The following SNCAIP variants were observed in gnomAD, a reference collection of about 807,000 sequenced individuals.
SNCAIP encodes the protein synuclein alpha interacting protein.
In SNCAIP, 43 loss-of-function variants were observed where a neutral mutation model predicts 86.7. The ratio of observed to expected loss-of-function variants is 0.50; its 90% confidence interval spans 0.39 to 0.64. The LOEUF (loss-of-function observed/expected upper bound fraction) is 0.64, where lower values mean the gene tolerates loss of function less well. Among genes scored for constraint, SNCAIP ranks in the 30% least tolerant of loss-of-function variants. SNCAIP has a pLI of 0.00. For synonymous variants in SNCAIP, 417 were observed against 427.2 expected (o/e 0.98, Z 0.29); for missense variants, 981 against 1,103.1 (o/e 0.89, Z 1.57).
chr5:122,364,966 A>G (rs1200303351), intron 1 of SNCAIP, among the ~76,000 whole-genome samples: 1 of 152,198 alleles, frequency 6.6e-6, no homozygotes, highest in Non-Finnish European at 1.5e-5. Flanking sequence ...CATAGAAAAG[A>G]ATAACTGTTA....
At chr5:122,373,059 C>T (rs924369169) in intron 1 of SNCAIP, among the ~76,000 whole-genome samples, 2 of 152,152 alleles carry the variant, frequency 1.3e-5, no homozygotes, top group African/African-American at 4.8e-5. Context: ...ACATCCCGTA[C>T]TTTAACTTTC....
intron 1 of SNCAIP, among the ~76,000 whole-genome samples, chr5:122,332,616 C>T (rs954207329): frequency 5.9e-5 from 9 of 152,190 alleles, no homozygotes; most frequent in African/African-American, 1.7e-4. Flanking sequence ...AGCTAAGCTG[C>T]GGGAGAAGTT....
intron 10 of SNCAIP, among the ~76,000 whole-genome samples, chr5:122,457,773 T>C (rs1785129838): frequency 6.6e-6 from 1 of 152,206 alleles, no homozygotes. Context: ...GGCTCTAAAC[T>C]TGAACTATTT....
intron 1 of SNCAIP, among the ~76,000 whole-genome samples, chr5:122,343,920 G>T (rs1308734969): frequency 6.6e-6 from 1 of 152,218 alleles, no homozygotes; most frequent in African/African-American, 2.4e-5. Flanking sequence ...TGATGGTCAA[G>T]TTGAAGTGGA....
chr5:122,341,524 C>T (rs771577999), intron 1 of SNCAIP, among the ~76,000 whole-genome samples: 3 of 152,170 alleles, frequency 2.0e-5, no homozygotes, highest in African/African-American at 4.8e-5. Flanking sequence ...AAGGCAAACC[C>T]GCTTAAAGAT....
chr5:122,415,080 A>T (rs534091579), intron 3 of SNCAIP, among the ~76,000 whole-genome samples: 2 of 152,198 alleles, frequency 1.3e-5, no homozygotes, highest in African/African-American at 4.8e-5. Context: ...TTCACTCTTT[A>T]TAGTATACTT....
At position 122,453,549 on chromosome 5, in the gene SNCAIP, G is replaced by A. The variant is rs550181906; in HGVS notation, c.2754+1948G>A. 3.9e-5 allele frequency among the ~76,000 whole-genome samples: 6 copies of A among 152,238 alleles called. No individual in the cohort carries two copies. In the South Asian group the frequency reaches 1.2e-3, roughly 32 times the overall value. ...ATGAGTGCCCTCTAATAAAACAAGG[G>A]CCTTTCTCAAATAAGACGTTTACAA... On this transcript the variant is annotated intron_variant, in intron 10 of 10. Transcript: ENST00000261368.
intron 1 of SNCAIP, among the ~76,000 whole-genome samples, chr5:122,327,646 A>G (rs1754383973): frequency 6.6e-6 from 1 of 152,166 alleles, no homozygotes; most frequent in Non-Finnish European, 1.5e-5. Flanking sequence ...TTCCACCATG[A>G]TTATAAGTTT....
At chr5:122,415,950 AGAT>A (rs1374390215) in intron 3 of SNCAIP, among the ~76,000 whole-genome samples, 5 of 152,238 alleles carry the variant, frequency 3.3e-5, no homozygotes, top group Non-Finnish European at 7.3e-5. Flanking sequence ...CATACTTTAT[AGAT>A]GACACAATAA....
At chr5:122,411,229 A>G (rs918740384) in intron 3 of SNCAIP, among the ~76,000 whole-genome samples, 1 of 152,178 alleles carries the variant, frequency 6.6e-6, no homozygotes, top group South Asian at 2.1e-4. Context: ...GAGGGAAAGA[A>G]CTGAAACATA....
At chr5:122,320,354 C>T (rs1752663056) in intron 1 of SNCAIP, among the ~76,000 whole-genome samples, 1 of 152,162 alleles carries the variant, frequency 6.6e-6, no homozygotes, top group African/African-American at 2.4e-5. Context: ...GACCCCTCTT[C>T]CACAGTATTT....
In SNCAIP at chr5:122,353,841, C is replaced by T. The variant is rs140814569; in HGVS notation, c.-46-37248C>T. On this transcript the variant is annotated intron_variant, in intron 1 of 10. Coordinates refer to ENST00000261368, the MANE Select transcript of SNCAIP (RefSeq NM_005460.4). ...TCAGCAGCGTGAAAATGGACTAATA[C>T]GGCAGGGATTGCAGAAAGGGCCCAA... Among the ~76,000 whole-genome samples, 7 of 152,104 alleles carry T rather than the reference C, an allele frequency of 4.6e-5. No homozygotes were observed. In the East Asian group the frequency reaches 7.7e-4, roughly 17 times the overall value.
chr5:122,421,982 T>A (rs1391097759), intron 3 of SNCAIP, among the ~76,000 whole-genome samples: 1 of 135,718 alleles, frequency 7.4e-6, no homozygotes, highest in Non-Finnish European at 1.5e-5. Context: ...CAACACACAA[T>A]CTTTATCCAA....
chr5:122,383,283 G>C (rs939906079), intron 1 of SNCAIP, among the ~76,000 whole-genome samples: 17 of 152,318 alleles, frequency 1.1e-4, no homozygotes, highest in Admixed American at 1.0e-3. Flanking sequence ...CTCAATATTC[G>C]GGTGGGAGTG....
At position 122,400,408 on chromosome 5, in the gene SNCAIP, C is replaced by T. The variant is rs545163245; in HGVS notation, c.58-3385C>T. 3.0e-4 allele frequency among the ~76,000 whole-genome samples: 46 copies of T among 152,292 alleles called. No individual in the cohort carries two copies. In the South Asian group the frequency reaches 9.1e-3, roughly 30 times the overall value. On this transcript the variant is annotated intron_variant, in intron 2 of 10. Transcript: ENST00000261368. ...CTTTGAATGTCTATAATATTATGCC[C>T]AGGGATTAGTCAATATGTACACGTC... is the stretch of plus-strand genomic sequence containing the variant.
rs189937003 is a variant in SNCAIP, at chr5:122,401,670, A to T, written c.58-2123A>T. Among the ~76,000 whole-genome samples the T allele has an allele frequency of 1.2e-3, 189 of 152,316 alleles. 1 individual carries two copies. The highest frequency in any genetic ancestry group is 4.0e-3 in the African/African-American group (168 of 41,572). On this transcript the variant is annotated intron_variant, in intron 2 of 10. Transcript: ENST00000261368. ...GAATGAAAATATATGCCTTCACCAA[A>T]GTGACTTCCTATGTGACTCTGGGTA...
chr5:122,318,654 C>A (rs1421275719), intron 1 of SNCAIP, among the ~76,000 whole-genome samples: 1 of 152,150 alleles, frequency 6.6e-6, no homozygotes, highest in Admixed American at 6.5e-5. Flanking sequence ...AAGACAGATT[C>A]TCTTTGAAGC....
chr5:122,325,709 A>G (rs1189886523), intron 1 of SNCAIP, among the ~76,000 whole-genome samples: 1 of 152,208 alleles, frequency 6.6e-6, no homozygotes, highest in Non-Finnish European at 1.5e-5. Context: ...AGCTCTTACT[A>G]TGCATTCAAC....
intron 1 of SNCAIP, among the ~76,000 whole-genome samples, chr5:122,365,888 G>A (rs755214865): frequency 6.6e-6 from 1 of 152,112 alleles, no homozygotes; most frequent in Non-Finnish European, 1.5e-5. Context: ...TATGTCGAGC[G>A]TCATTTGCTG....
Sources: gnomAD v4.1 joint callset for allele counts (sites outside exome capture counted in the v4.1 genomes callset) on GRCh38, gnomAD v4.1.1 for gene constraint, MANE v1.5 for transcripts, NCBI Gene and HGNC (gene_info 2026-07-23, HGNC 2026-07-21) for gene names.